The following PDE1C variants were observed in gnomAD, a reference collection of about 807,000 sequenced individuals.
The protein encoded by PDE1C is phosphodiesterase 1C.
PDE1C carries 62 observed loss-of-function variants against 93.1 expected under a neutral mutation model. The observed-to-expected ratio is 0.67, with a 90% confidence interval of 0.54 to 0.82. PDE1C has a LOEUF of 0.82. PDE1C is among the 40% of genes least tolerant of loss of function. The pLI, the probability that PDE1C is intolerant of heterozygous loss-of-function variation, is 0.00. For missense variants in PDE1C, 742 were observed against 884.6 expected (o/e 0.84, Z 2.04); for synonymous variants, 325 against 310.1 (o/e 1.05, Z -0.50).
the PDE1C span, among the ~76,000 whole-genome samples, chr7:31,720,155 G>A: frequency 8.4e-6 from 1 of 119,030 alleles, no homozygotes; most frequent in African/African-American, 3.4e-5. Flanking sequence ...GGGCAACAGA[G>A]CGAGACTCCG....
intron 1 of PDE1C, among the ~76,000 whole-genome samples, chr7:32,385,152 G>A (rs955802306): frequency 1.3e-5 from 2 of 152,222 alleles, no homozygotes. Flanking sequence ...CATTCATCAA[G>A]ATGGGGCAGA....
chr7:32,310,156 G>A (rs1304804160), intron 1 of PDE1C, among the ~76,000 whole-genome samples: 1 of 151,858 alleles, frequency 6.6e-6, no homozygotes, highest in Non-Finnish European at 1.5e-5. Context: ...GACAAAGAAG[G>A]CCATTACATA....
the PDE1C span, among the ~76,000 whole-genome samples, chr7:31,617,465 A>ATT: frequency 6.7e-6 from 1 of 150,116 alleles, no homozygotes; most frequent in Non-Finnish European, 1.5e-5. Context: ...GAAAATGTGA[A>ATT]TTAGTATAAA....
intron 1 of PDE1C, among the ~76,000 whole-genome samples, chr7:32,306,243 T>G (rs745353280): frequency 6.6e-6 from 1 of 152,196 alleles, no homozygotes. Flanking sequence ...ATCAGCAGCA[T>G]GAAAACGGGC....
chr7:32,302,461 C>T (rs1277916141), upstream of PDE1C, among the ~76,000 whole-genome samples: 4 of 152,206 alleles, frequency 2.6e-5, no homozygotes, highest in Non-Finnish European at 4.4e-5. Context: ...AGGAGCTGAA[C>T]TCATTACCTA....
At chr7:32,182,829 G>A (rs1437769421) in intron 2 of PDE1C, among the ~76,000 whole-genome samples, 5 of 152,126 alleles carry the variant, frequency 3.3e-5, no homozygotes, top group African/African-American at 9.7e-5. Flanking sequence ...GAAATAAAGG[G>A]TATTCAATTA....
At chr7:31,733,123 T>C in the PDE1C span, among the ~76,000 whole-genome samples, 1 of 152,248 alleles carries the variant, frequency 6.6e-6, no homozygotes, top group Non-Finnish European at 1.5e-5. Context: ...ATTTATGAGC[T>C]AAATGGACTT....
chr7:31,700,505 C>T, the PDE1C span, among the ~76,000 whole-genome samples: 1 of 152,150 alleles, frequency 6.6e-6, no homozygotes, highest in Non-Finnish European at 1.5e-5. Flanking sequence ...AAGCAACAAG[C>T]GCTGATGTAG....
chr7:31,961,631 A>G lies in PDE1C; in HGVS notation c.129-80771T>C, dbSNP rs141786172. On this transcript the variant is annotated intron_variant, in intron 2 of 17. Transcript: ENST00000396191. ...AATTAGCCTGCCCAGTTGCCTGTCTATAGTTCCATACTGGATCATGCTGGG... is the reference window on the plus strand; with the variant it reads ...AATTAGCCTGCCCAGTTGCCTGTCTGTAGTTCCATACTGGATCATGCTGGG... 3.9e-3 allele frequency among the ~76,000 whole-genome samples: 587 copies of G among 152,302 alleles called. 3 individuals are homozygous for G. Among genetic ancestry groups the G allele is most frequent in the African/African-American group, 0.013 (542 of 41,570 alleles).
At chr7:32,076,913 T>C (rs1796388967) in intron 3 of PDE1C, among the ~76,000 whole-genome samples, 1 of 150,972 alleles carries the variant, frequency 6.6e-6, no homozygotes, top group Non-Finnish European at 1.5e-5. Context: ...AATACAATTA[T>C]TCCTTATAGG....
At chr7:32,312,668 T>G (rs1450909972) in intron 1 of PDE1C, among the ~76,000 whole-genome samples, 1 of 152,196 alleles carries the variant, frequency 6.6e-6, no homozygotes, top group African/African-American at 2.4e-5. Context: ...ATTCCCTATT[T>G]AATAAATGGT....
intron 1 of PDE1C, among the ~76,000 whole-genome samples, chr7:32,306,356 T>A (rs1416408540): frequency 1.3e-5 from 2 of 152,204 alleles, no homozygotes; most frequent in African/African-American, 4.8e-5. Flanking sequence ...TCCTCCCTAC[T>A]GCTCCACAAC....
downstream of PDE1C, among the ~76,000 whole-genome samples, chr7:31,750,256 T>C (rs1486266186): frequency 6.6e-6 from 1 of 151,510 alleles, no homozygotes; most frequent in Non-Finnish European, 1.5e-5. Context: ...TAGTCAGTCA[T>C]GAGGGCAAGA....
intron 1 of PDE1C, among the ~76,000 whole-genome samples, chr7:32,371,489 A>G (rs1229719417): frequency 6.6e-6 from 1 of 152,204 alleles, no homozygotes; most frequent in African/African-American, 2.4e-5. Flanking sequence ...AGTGCTTGGC[A>G]GATTTCCTGG....
intron 1 of PDE1C, among the ~76,000 whole-genome samples, chr7:32,422,989 C>G (rs1400576291): frequency 3.3e-5 from 5 of 152,196 alleles, no homozygotes; most frequent in Admixed American, 1.3e-4. Flanking sequence ...TATCTACTCG[C>G]CCTCCCAGTG....
At chr7:31,704,695 T>C in the PDE1C span, among the ~76,000 whole-genome samples, 3 of 152,224 alleles carry the variant, frequency 2.0e-5, no homozygotes, top group Non-Finnish European at 4.4e-5. Context: ...TCACACACTG[T>C]GGAAGATACA....
chr7:31,833,730 G>A (rs1159087634), intron 11 of PDE1C, among the ~76,000 whole-genome samples: 33 of 152,200 alleles, frequency 2.2e-4, no homozygotes, highest in Non-Finnish European at 5.9e-5. Context: ...AAACATTCAA[G>A]AGGTAACTTG....
intron 1 of PDE1C, among the ~76,000 whole-genome samples, chr7:32,363,829 A>G (rs1784182522): frequency 6.6e-6 from 1 of 152,218 alleles, no homozygotes; most frequent in South Asian, 2.1e-4. Flanking sequence ...TTTTTCTTGA[A>G]ATTAACAATA....
chr7:32,427,972 T>G (rs1176847846), exon 1 of PDE1C: 1 of 152,144 alleles, frequency 6.6e-6, no homozygotes, highest in Non-Finnish European at 1.5e-5. Flanking sequence ...GGGGAGAGTG[T>G]CTCCCCACGC....
Sources: gnomAD v4.1 joint callset for allele counts (sites outside exome capture counted in the v4.1 genomes callset) on GRCh38, gnomAD v4.1.1 for gene constraint, MANE v1.5 for transcripts, NCBI Gene and HGNC (gene_info 2026-07-23, HGNC 2026-07-21) for gene names.